LPIN2: variants seen among roughly 807,000 people sequenced by gnomAD.
The protein encoded by LPIN2 is lipin 2.
Under a neutral mutation model 111.4 loss-of-function variants are expected in LPIN2, and 55 were observed. That is an observed-to-expected ratio of 0.49 (90% CI 0.40 to 0.62). The LOEUF (loss-of-function observed/expected upper bound fraction) is 0.62, where lower values mean the gene tolerates loss of function less well. LPIN2 is among the 20% of genes least tolerant of loss of function. The pLI, the probability that LPIN2 is intolerant of heterozygous loss-of-function variation, is 0.00. For synonymous variants in LPIN2, 425 were observed against 414.0 expected (o/e 1.03, Z -0.32); for missense variants, 992 against 1,112.1 (o/e 0.89, Z 1.54).
chr18:2,962,212 C>T (rs1265466329), intron 1 of LPIN2, among the ~76,000 whole-genome samples: 6 of 152,166 alleles, frequency 3.9e-5, no homozygotes, highest in African/African-American at 7.2e-5. Flanking sequence ...CAGTTCTACA[C>T]CATGAAGCAT....
At chr18:2,967,104 T>C (rs1191068340) in intron 1 of LPIN2, 1 of 152,180 alleles carries the variant, frequency 6.6e-6, no homozygotes, top group Non-Finnish European at 1.5e-5. Context: ...CTCATTTGAT[T>C]TTCAAAAAGA....
rs192488053 is a variant in LPIN2, at chr18:2,999,835, A to G, written c.-10+13252T>C. Among the ~76,000 whole-genome samples the G allele has an allele frequency of 1.3e-4, 20 of 152,182 alleles. No homozygotes were observed. In the East Asian group the frequency reaches 3.3e-3, roughly 25 times the overall value. On this transcript the variant is annotated intron_variant, in intron 1 of 19. Coordinates refer to ENST00000677752, the MANE Select transcript of LPIN2 (RefSeq NM_001375808.2). Reference sequence around the variant, plus strand: ...CACAATTGTAAAATTAAGACATTCTATAGAAGGGTTGGAGAATAAATACCA... The same window carrying G: ...CACAATTGTAAAATTAAGACATTCTGTAGAAGGGTTGGAGAATAAATACCA...
intron 9 of LPIN2, among the ~76,000 whole-genome samples, chr18:2,930,039 AGT>A (rs1426379059): frequency 6.6e-6 from 1 of 152,220 alleles, no homozygotes; most frequent in Non-Finnish European, 1.5e-5. Context: ...GTTCTTGCAG[AGT>A]GAATGAGGGC....
intron 12 of LPIN2, among the ~76,000 whole-genome samples, chr18:2,927,298 T>C (rs186821047): frequency 6.6e-6 from 1 of 152,364 alleles, no homozygotes; most frequent in Non-Finnish European, 1.5e-5. Context: ...TATGGTTCTC[T>C]GGATGAATTT....
intron 1 of LPIN2, among the ~76,000 whole-genome samples, chr18:2,996,435 T>C (rs1328548433): frequency 3.3e-5 from 5 of 151,042 alleles, no homozygotes; most frequent in African/African-American, 1.2e-4. Context: ...GCAGAAAAGA[T>C]ATGACTACAT....
At chr18:2,991,857 A>G (rs910990915) in intron 1 of LPIN2, among the ~76,000 whole-genome samples, 8 of 152,078 alleles carry the variant, frequency 5.3e-5, no homozygotes, top group African/African-American at 1.9e-4. Flanking sequence ...TAAAAATACA[A>G]AAATTAGCTG....
At chr18:2,953,239 A>G (rs534742163) in intron 3 of LPIN2, among the ~76,000 whole-genome samples, 4 of 152,358 alleles carry the variant, frequency 2.6e-5, no homozygotes, top group Middle Eastern at 3.4e-3. Context: ...CTGTCAGAAT[A>G]AGCCATGAAA....
chr18:2,961,712 T>C (rs2077716889), intron 1 of LPIN2, among the ~76,000 whole-genome samples: 1 of 152,066 alleles, frequency 6.6e-6, no homozygotes, highest in Admixed American at 6.6e-5. Context: ...TAATGTCAGA[T>C]TTTACTTCCA....
At chr18:2,937,587 A>C in intron 7 of LPIN2, 105 bp downstream of exon 7, 4 of 778,800 alleles carry the variant, frequency 5.1e-6, no homozygotes, top group Admixed American at 2.2e-5. Context: ...ACGGGTTTCG[A>C]CTGGTGAATA....
rs2077064321 is a variant in LPIN2 at position 2,922,134 on chromosome 18, T to C, written c.2240A>G (p.Tyr747Cys). The C allele has an allele frequency of 6.2e-7, 1 of 1,613,898 alleles. No individual in the cohort carries two copies. Among genetic ancestry groups the C allele is most frequent in the Non-Finnish European group, 8.5e-7 (1 of 1,179,978 alleles). The stretch of plus-strand genomic sequence containing the variant: ...GCCCTTGTCATTGACCCAGTGCAGG[T>C]AGCCACGGGTCATGTCGGCCATGCC... ...AIGMADMTRGYLHWVNDKGTI... is the reference protein window; with the variant it reads ...AIGMADMTRGCLHWVNDKGTI... The change falls in exon 17 of 20, where the codon TAC (tyrosine) becomes TGC (cysteine). Residue 747 changes from tyrosine to cysteine, a missense_variant. By Grantham distance (194) the Tyr-to-Cys change is radical. Transcript: ENST00000677752.
At position 2,939,107 on chromosome 18, in the gene LPIN2, G is replaced by C. The variant is rs891119934; in HGVS notation, c.822+373C>G. On this transcript the variant is annotated intron_variant, in intron 6 of 19. Transcript: ENST00000677752. ...GCACAGGAGGTTAAGGCTGCAGTGA[G>C]TTGTGGCTGCACCACTGCTCTCCAG... 1.2e-4 allele frequency among the ~76,000 whole-genome samples: 19 copies of C among 152,320 alleles called. 1 individual carries two copies. Among genetic ancestry groups the C allele is most frequent in the Admixed American group, 8.5e-4 (13 of 15,308 alleles).
At chr18:2,935,605 A>G (rs981993489) in intron 7 of LPIN2, among the ~76,000 whole-genome samples, 36 of 152,200 alleles carry the variant, frequency 2.4e-4, no homozygotes, top group African/African-American at 8.4e-4. Context: ...CAGGCCAGCT[A>G]AAAAAATATT....
At chr18:3,004,025 T>G (rs2078473784) in intron 1 of LPIN2, among the ~76,000 whole-genome samples, 1 of 152,148 alleles carries the variant, frequency 6.6e-6, no homozygotes, top group East Asian at 1.9e-4. Flanking sequence ...GCAGTTGAGA[T>G]AAGGACTGAA....
Position 3,013,094 on chromosome 18 carries a change from G to A in LPIN2, c.-17C>T, listed in dbSNP as rs1031996840. 55 of 150,896 alleles carry A rather than the reference G, an allele frequency of 3.6e-4. 1 individual carries two copies. The highest frequency in any genetic ancestry group is 1.2e-3 in the African/African-American group (49 of 41,416). 9.3% of individuals were successfully genotyped at this position (150,896 alleles called of 1,614,324 possible). Reference sequence around the variant, plus strand: ...CGGCCCGCGCCCACTTACCCACAGGGGCTCCGCTCCCGGCCAGCGGGCGGC... The same window carrying A: ...CGGCCCGCGCCCACTTACCCACAGGAGCTCCGCTCCCGGCCAGCGGGCGGC... On this transcript the variant is annotated 5_prime_UTR_variant, in exon 1 of 20. Transcript: ENST00000677752.
At chr18:2,996,995 C>CTTTTTCTTTTTT (rs56073904) in intron 1 of LPIN2, among the ~76,000 whole-genome samples, 45 of 150,976 alleles carry the variant, frequency 3.0e-4, no homozygotes, top group African/African-American at 1.1e-3. Context: ...TTTTCTTTTT[C>CTTTTTCTTTTTT]TTTTGAGACA....
intron 1 of LPIN2, among the ~76,000 whole-genome samples, chr18:2,991,644 C>T (rs891727839): frequency 2.0e-5 from 3 of 151,900 alleles, no homozygotes; most frequent in African/African-American, 4.8e-5. Context: ...CCTAAGAGGT[C>T]GAGGCTGCAG....
intron 4 of LPIN2, among the ~76,000 whole-genome samples, chr18:2,943,517 AAAT>A (rs767014982): frequency 1.3e-5 from 2 of 152,158 alleles, no homozygotes; most frequent in Non-Finnish European, 2.9e-5. Context: ...TCACTGCTTC[AAAT>A]AATATTTCAA....
chr18:2,986,551 A>AAAAT (rs2078188985), intron 1 of LPIN2, among the ~76,000 whole-genome samples: 1 of 151,788 alleles, frequency 6.6e-6, no homozygotes, highest in African/African-American at 2.4e-5. Flanking sequence ...TTAATGTAAA[A>AAAAT]AAAAAAAAAA....
Position 2,968,189 on chromosome 18 carries a change from G to GTGCC in LPIN2, c.-9-7344_-9-7341dup, listed in dbSNP as rs1178866225. ...TACAGACTCTGTAAACGAAAACCCAGTGCCTCCCAGCAAACTTCCTGAATA... is the reference window on the plus strand; with the variant it reads ...TACAGACTCTGTAAACGAAAACCCAGTGCCTGCCTCCCAGCAAACTTCCTGAATA... On this transcript the variant is annotated intron_variant, in intron 1 of 19. Coordinates refer to ENST00000677752, the MANE Select transcript of LPIN2 (RefSeq NM_001375808.2). 2.0e-5 allele frequency among the ~76,000 whole-genome samples: 3 copies of GTGCC among 152,286 alleles called. No homozygotes were observed. In the East Asian group the frequency reaches 5.8e-4, roughly 29 times the overall value.
Sources: gnomAD v4.1 joint callset for allele counts (sites outside exome capture counted in the v4.1 genomes callset) on GRCh38, gnomAD v4.1.1 for gene constraint, MANE v1.5 for transcripts, NCBI Gene and HGNC (gene_info 2026-07-23, HGNC 2026-07-21) for gene names.